Variants in NPNT observed in about 807,000 individuals in gnomAD.
NPNT encodes the protein nephronectin.
Under a neutral mutation model 68.6 loss-of-function variants are expected in NPNT, and 45 were observed. The observed-to-expected ratio is 0.66, with a 90% CI of 0.52 to 0.84. NPNT has a LOEUF of 0.84. Ranked by LOEUF, NPNT falls within the 40% of genes least tolerant of loss-of-function variation. NPNT has a pLI of 0.00. For synonymous variants in NPNT, 233 were observed against 253.3 expected (o/e 0.92, Z 0.76); for missense variants, 672 against 714.8 (o/e 0.94, Z 0.68).
chr4:105,915,579 T>C, intron 2 of NPNT, among the ~76,000 whole-genome samples: 1 of 152,138 alleles, frequency 6.6e-6, no homozygotes. Context: ...TCACATTCAG[T>C]AACATGGTGG....
At position 105,940,073 on chromosome 4, in the gene NPNT, A is replaced by G. The variant is rs1387293020; in HGVS notation, c.506-2A>G. The G allele has an allele frequency of 6.2e-7, 1 of 1,612,942 alleles. No individual in the cohort carries two copies. The highest frequency in any genetic ancestry group is 1.1e-5 in the South Asian group (1 of 91,064). On this transcript the variant is annotated splice_acceptor_variant, in intron 5 of 11. Transcript: ENST00000379987. LOFTEE classifies it high-confidence loss of function. ...TAAAATGCTATTGACTTATGTTTCT[A>G]GATGTTGATGAATGTGCTACAGGAA...
intron 2 of NPNT, among the ~76,000 whole-genome samples, chr4:105,917,653 C>A (rs921305059): frequency 6.6e-6 from 1 of 152,094 alleles, no homozygotes; most frequent in Non-Finnish European, 1.5e-5. Flanking sequence ...GGTATGAACT[C>A]AGCATGAGGC....
intron 2 of NPNT, among the ~76,000 whole-genome samples, chr4:105,907,102 T>C (rs1726962214): frequency 6.6e-6 from 1 of 152,088 alleles, no homozygotes; most frequent in Non-Finnish European, 1.5e-5. Flanking sequence ...TTTATAAGGG[T>C]TGATTTATAT....
chr4:105,955,549 A>AT (rs1374626880), intron 8 of NPNT, among the ~76,000 whole-genome samples: 2 of 151,998 alleles, frequency 1.3e-5, no homozygotes, highest in Non-Finnish European at 1.5e-5. Flanking sequence ...TCATATTTAT[A>AT]TTTTTTCTTT....
At position 105,969,259 on chromosome 4, in the gene NPNT, A is replaced by G. The variant is rs1732405185; in HGVS notation, c.*269A>G. The G allele has an allele frequency of 6.2e-6, 2 of 322,266 alleles. No homozygotes were observed. The highest frequency in any genetic ancestry group is 1.2e-5 in the Non-Finnish European group (2 of 173,892). 20.0% of individuals were successfully genotyped at this position (322,266 alleles called of 1,614,324 possible). A position where few individuals can be genotyped will look rare whatever the true frequency, so the allele number is the denominator to read the frequency against. On this transcript the variant is annotated 3_prime_UTR_variant, in exon 12 of 12. Transcript: ENST00000379987. ...CATCCTGTGTCTCTTTCAGGAAGGC[A>G]TTCAGCATGCGTGAGCCATACCATC...
At chr4:105,961,760 G>A (rs1458424041) in intron 10 of NPNT, among the ~76,000 whole-genome samples, 3 of 152,190 alleles carry the variant, frequency 2.0e-5, no homozygotes, top group Non-Finnish European at 4.4e-5. Flanking sequence ...GATAACTCGT[G>A]ATGATTGGCT....
In NPNT at chr4:105,940,590, G is replaced by A. The variant is rs368074074; in HGVS notation, c.717G>A (p.Lys239=). The A allele has an allele frequency of 5.6e-6, 9 of 1,613,450 alleles. No individual in the cohort carries two copies. The highest frequency in any genetic ancestry group is 2.7e-5 in the African/African-American group (2 of 75,024). Residue 239 remains lysine, a synonymous_variant, in exon 7 of 12, where the codon AAG becomes AAA. Transcript: ENST00000379987. Reference sequence around the variant, plus strand: ...GTTATAACATACGTGGGTCCTACAAGTGCAAATGTAAAGAAGGATACCAGG... The same window carrying A: ...GTTATAACATACGTGGGTCCTACAAATGCAAATGTAAAGAAGGATACCAGG... ...ARCYNIRGSY[K]CKCKEGYQGD...
rs1731428183 is a variant in NPNT at position 105,958,576 on chromosome 4, G to A, written c.1246+19G>A. ...GATCCAGGTGACACTTACACTCTTAGTGCCATCATAATGACATTTTATTGT... is the reference window on the plus strand; with the variant it reads ...GATCCAGGTGACACTTACACTCTTAATGCCATCATAATGACATTTTATTGT... On this transcript the variant is annotated intron_variant, in intron 9 of 11. Coordinates refer to ENST00000379987, the MANE Select transcript of NPNT (RefSeq NM_001033047.3). The A allele has an allele frequency of 1.5e-6, 2 of 1,337,392 alleles. No homozygotes were observed. Among genetic ancestry groups the A allele is most frequent in the Non-Finnish European group, 2.1e-6 (2 of 946,460 alleles). The allele number at this position is 1,337,392 out of a possible 1,614,324, so 82.8% of individuals were successfully genotyped here.
At chr4:105,947,797 G>C (rs569157919) in intron 8 of NPNT, among the ~76,000 whole-genome samples, 1 of 151,932 alleles carries the variant, frequency 6.6e-6, no homozygotes, top group Admixed American at 6.6e-5. Flanking sequence ...ACAAATGATC[G>C]AGTCAAAGAT....
At position 105,912,217 on chromosome 4, in the gene NPNT, A is replaced by C. The variant is rs182641072; in HGVS notation, c.172+14216A>C. ...CTACGTCTTAAGGCAGAGAATAGCCAGGATAAGGTGCCAGCTCAAAGGTTA... is the reference window on the plus strand; with the variant it reads ...CTACGTCTTAAGGCAGAGAATAGCCCGGATAAGGTGCCAGCTCAAAGGTTA... On this transcript the variant is annotated intron_variant, in intron 2 of 11. Transcript: ENST00000379987. The C allele has an allele frequency of 3.9e-6, 6 of 1,534,450 alleles. No homozygotes were observed. In the East Asian group the frequency reaches 1.5e-4, roughly 38 times the overall value.
chr4:105,961,455 G>T (rs886109794), intron 10 of NPNT, among the ~76,000 whole-genome samples: 2 of 152,182 alleles, frequency 1.3e-5, no homozygotes, highest in African/African-American at 4.8e-5. Context: ...AGTAATTCAT[G>T]CTAAACTCAG....
At chr4:105,967,116 A>G in intron 10 of NPNT, 72 bp from the exon 11 acceptor site, 1 of 1,446,728 alleles carries the variant, frequency 6.9e-7, no homozygotes, top group Non-Finnish European at 9.4e-7. Flanking sequence ...AAAAACTAAA[A>G]CTCCTGTCCA....
Position 105,959,145 on chromosome 4 carries a change from AC to A in NPNT, c.1345+20del. 6.6e-7 allele frequency: 1 copy of A among 1,513,772 alleles called. No individual in the cohort carries two copies. Among genetic ancestry groups the A allele is most frequent in the South Asian group, 1.1e-5 (1 of 88,986 alleles). 93.8% of individuals were successfully genotyped at this position (1,513,772 alleles called of 1,614,324 possible). A position where few individuals can be genotyped will look rare whatever the true frequency, so the allele number is the denominator to read the frequency against. On this transcript the variant is annotated intron_variant, in intron 10 of 11. Transcript: ENST00000379987. ...CCAGCAGGTAAAACCATTTCATTTA[AC>A]TTTTTCTGGTACACATTTCAATGTG...
chr4:105,967,303 C>T lies in NPNT; in HGVS notation c.1461C>T (p.His487=), dbSNP rs747349062. The change falls in exon 11 of 12, where the codon CAC becomes CAT. Residue 487 remains histidine (H), a synonymous_variant. Coordinates refer to ENST00000379987, the MANE Select transcript of NPNT (RefSeq NM_001033047.3). ...HSGDLCLSFR[H]KVTGLHSGTL... ...GGGACCTGTGCCTGTCATTCAGGCA[C>T]AAGGTGACGGGGCTGCACTCTGGCA... 1 of 1,613,968 alleles carries T rather than the reference C, an allele frequency of 6.2e-7. No individual in the cohort carries two copies. The highest frequency in any genetic ancestry group is 8.5e-7 in the Non-Finnish European group (1 of 1,179,992).
chr4:105,928,081 A>C (rs1254187163), intron 3 of NPNT, among the ~76,000 whole-genome samples: 1 of 152,156 alleles, frequency 6.6e-6, no homozygotes, highest in East Asian at 1.9e-4. Context: ...GGTATAATCT[A>C]TTAATTATTA....
intron 6 of NPNT, 81 bp from the exon 7 acceptor site, chr4:105,940,433 A>G (rs1210128622): frequency 1.3e-5 from 18 of 1,416,956 alleles, no homozygotes; most frequent in Non-Finnish European, 1.6e-5. Flanking sequence ...AAAAAAAATC[A>G]TTTTTGAAAC....
intron 2 of NPNT, among the ~76,000 whole-genome samples, chr4:105,926,423 TG>T (rs968200460): frequency 1.3e-5 from 2 of 152,116 alleles, no homozygotes; most frequent in African/African-American, 4.8e-5. Flanking sequence ...GATAATTTGT[TG>T]TGGCGGGTTG....
intron 2 of NPNT, among the ~76,000 whole-genome samples, chr4:105,901,414 AT>A (rs1310548500): frequency 6.6e-6 from 1 of 152,220 alleles, no homozygotes; most frequent in African/African-American, 2.4e-5. Flanking sequence ...TAAATATTGT[AT>A]TTTTGTATGG....
At chr4:105,966,946 AATT>A (rs1165161078) in intron 10 of NPNT, among the ~76,000 whole-genome samples, 1 of 152,130 alleles carries the variant, frequency 6.6e-6, no homozygotes, top group African/African-American at 2.4e-5. Flanking sequence ...TTTGGTTACT[AATT>A]ATTGTGTGTC....
Sources: gnomAD v4.1 joint callset for allele counts (sites outside exome capture counted in the v4.1 genomes callset) on GRCh38, gnomAD v4.1.1 for gene constraint, MANE v1.5 for transcripts, NCBI Gene and HGNC (gene_info 2026-07-23, HGNC 2026-07-21) for gene names.